The following PCDHGA12 variants were observed in gnomAD, a reference collection of about 807,000 sequenced individuals.
PCDHGA12 encodes protocadherin gamma subfamily A, 12.
In PCDHGA12, 43 loss-of-function variants were observed where a neutral mutation model predicts 61.1. That is an observed-to-expected ratio of 0.70 (90% CI 0.55 to 0.91). The LOEUF (loss-of-function observed/expected upper bound fraction) is 0.91, where lower values mean the gene tolerates loss of function less well. Among genes scored for constraint, PCDHGA12 ranks in the 40% least tolerant of loss-of-function variants. The pLI, the probability that PCDHGA12 is intolerant of heterozygous loss-of-function variation, is 0.00. For missense variants in PCDHGA12, 1,236 were observed against 1,227.7 expected (o/e 1.01, Z -0.10); for synonymous variants, 520 against 542.9 (o/e 0.96, Z 0.59).
chr5:141,499,408 G>C (rs1178843162), intron 2 of PCDHGA12, among the ~76,000 whole-genome samples: 1 of 151,896 alleles, frequency 6.6e-6, no homozygotes, highest in Non-Finnish European at 1.5e-5. Context: ...GCTCATTATA[G>C]AAACATGAAA....
Position 141,431,615 on chromosome 5 carries a change from G to A in PCDHGA12, c.856G>A (p.Asp286Asn). 1.2e-6 allele frequency: 2 copies of A among 1,614,236 alleles called. No homozygotes were observed. Among genetic ancestry groups the A allele is most frequent in the Non-Finnish European group, 1.7e-6 (2 of 1,180,042 alleles). ...GAGGTATTCCTTCCGGTATGTGGACGACAAGGCGGCCCAAGTTTTCAAACT... is the reference window on the plus strand; with the variant it reads ...GAGGTATTCCTTCCGGTATGTGGACAACAAGGCGGCCCAAGTTTTCAAACT... Reference protein sequence around the residue: ...EVRYSFRYVDDKAAQVFKLDC... With the variant: ...EVRYSFRYVDNKAAQVFKLDC... Residue 286 changes from aspartate (D) to asparagine (N), a missense_variant, in exon 1 of 4, where the codon GAC becomes AAC. By Grantham distance (23) the Asp-to-Asn change is conservative. Coordinates refer to ENST00000252085, the MANE Select transcript of PCDHGA12 (RefSeq NM_003735.3). The surrounding 1 kb of genome is among the most constrained non-coding windows in gnomAD (Gnocchi z 4.8).
chr5:141,433,122 G>C lies in PCDHGA12; in HGVS notation c.2363G>C (p.Ser788Thr), dbSNP rs1442464320. The C allele has an allele frequency of 6.2e-7, 1 of 1,614,134 alleles. No individual in the cohort carries two copies. Among genetic ancestry groups the C allele is most frequent in the Admixed American group, 1.7e-5 (1 of 60,018 alleles). The change falls in exon 1 of 4, where the codon AGC becomes ACC. Residue 788 changes from serine to threonine, a missense_variant. Ser to Thr is a moderately conservative substitution (Grantham distance 58, BLOSUM62 1). Coordinates refer to ENST00000252085, the MANE Select transcript of PCDHGA12 (RefSeq NM_003735.3). ...MLVSQESFEKSEPLLLSGDSV... is the reference protein window; with the variant it reads ...MLVSQESFEKTEPLLLSGDSV... ...GTCAGCCAGGAGAGCTTTGAAAAAA[G>C]CGAGCCCCTTTTGCTGTCAGGTGAT...
In PCDHGA12 at chr5:141,505,496, T is replaced by C; in HGVS notation, c.2572+15T>C. 6.2e-7 allele frequency: 1 copy of C among 1,614,148 alleles called. No homozygotes were observed. The highest frequency in any genetic ancestry group is 8.5e-7 in the Non-Finnish European group (1 of 1,180,004). ...GTCCGCCAGTGGTAAGTGGTGTCAGTGTGTGTATGGAAGAGTGGGAGACCT... is the reference window on the plus strand; with the variant it reads ...GTCCGCCAGTGGTAAGTGGTGTCAGCGTGTGTATGGAAGAGTGGGAGACCT... On this transcript the variant is annotated intron_variant, in intron 3 of 3. Transcript: ENST00000252085.
intron 1 of PCDHGA12, chr5:141,468,682 C>A (rs377685711): frequency 4.6e-5 from 7 of 151,296 alleles, no homozygotes; most frequent in African/African-American, 1.7e-4. Context: ...CTGGCTAACA[C>A]GGTGAAACCC....
At chr5:141,478,862 C>T (rs1057119202) in intron 1 of PCDHGA12, 23 of 1,325,916 alleles carry the variant, frequency 1.7e-5, no homozygotes, top group Non-Finnish European at 2.2e-5. Flanking sequence ...AAGATCTCAG[C>T]GATCAGAGTT....
At chr5:141,445,732 A>G (rs2098475548) in intron 1 of PCDHGA12, among the ~76,000 whole-genome samples, 1 of 152,230 alleles carries the variant, frequency 6.6e-6, no homozygotes, top group African/African-American at 2.4e-5. Context: ...ATGTGTAAAG[A>G]TCTTTTTAAA....
At chr5:141,482,561 T>C (rs1411268228) in intron 1 of PCDHGA12, among the ~76,000 whole-genome samples, 3 of 136,978 alleles carry the variant, frequency 2.2e-5, no homozygotes, top group African/African-American at 8.6e-5. Flanking sequence ...ATAATGGAGA[T>C]CTGCATAGCA....
At chr5:141,469,372 C>G (rs780872014) in intron 1 of PCDHGA12, among the ~76,000 whole-genome samples, 5 of 151,990 alleles carry the variant, frequency 3.3e-5, no homozygotes, top group Non-Finnish European at 5.9e-5. Flanking sequence ...GTAAAGAGAT[C>G]GAGACCATCC....
rs9324852 is a variant in PCDHGA12, at chr5:141,510,333, C to T, written c.2573-614C>T. On this transcript the variant is annotated intron_variant, in intron 3 of 3. Coordinates refer to ENST00000252085, the MANE Select transcript of PCDHGA12 (RefSeq NM_003735.3). ...AGGCTTGGAAGAGCACTCTTCACCC[C>T]CACCCCACACACTTACTAACGGAAC... Among the ~76,000 whole-genome samples the T allele has an allele frequency of 2.4e-3, 367 of 151,698 alleles. 1 individual carries two copies. Among genetic ancestry groups the T allele is most frequent in the African/African-American group, 8.4e-3 (348 of 41,384 alleles).
intron 1 of PCDHGA12, among the ~76,000 whole-genome samples, chr5:141,444,408 T>G (rs1591815532): frequency 6.6e-6 from 1 of 152,124 alleles, no homozygotes; most frequent in East Asian, 1.9e-4. Context: ...CAACCTCAGG[T>G]GATCTTCCCT....
chr5:141,504,824 C>T (rs537283013), intron 2 of PCDHGA12, among the ~76,000 whole-genome samples: 4 of 152,230 alleles, frequency 2.6e-5, no homozygotes, highest in South Asian at 4.1e-4. Context: ...TAGGTCCCCA[C>T]TTTTTCTCTA....
intron 2 of PCDHGA12, among the ~76,000 whole-genome samples, chr5:141,504,128 G>A (rs914138294): frequency 2.6e-5 from 4 of 151,992 alleles, no homozygotes; most frequent in African/African-American, 9.7e-5. Context: ...GCTGTTTCCC[G>A]CCAACACTCC....
chr5:141,494,680 C>G (rs552351026), intron 1 of PCDHGA12, 127 bp from the exon 2 acceptor site: 2 of 1,560,096 alleles, frequency 1.3e-6, no homozygotes, highest in East Asian at 4.6e-5. Context: ...CCACCCCTGC[C>G]CCCTCTTAGT....
chr5:141,505,589 C>T, intron 3 of PCDHGA12, 108 bp downstream of exon 3: 1 of 1,573,272 alleles, frequency 6.4e-7, no homozygotes, highest in Non-Finnish European at 8.6e-7. Context: ...GTAGTTTCTC[C>T]AGATCTTTCG....
chr5:141,436,277 T>G (rs2097806022), intron 1 of PCDHGA12, among the ~76,000 whole-genome samples: 1 of 152,194 alleles, frequency 6.6e-6, no homozygotes, highest in Non-Finnish European at 1.5e-5. Flanking sequence ...TAACTTGATT[T>G]AGGAACAAAT....
rs1219684339 is a variant in PCDHGA12, at chr5:141,506,444, CAA to C, written c.2572+983_2572+984del. Among the ~76,000 whole-genome samples the C allele has an allele frequency of 5.9e-3, 564 of 95,004 alleles. 2 individuals carry two copies. The highest frequency in any genetic ancestry group is 0.013 in the African/African-American group (317 of 25,186). 62.3% of individuals were successfully genotyped at this position (95,004 alleles called of 152,430 possible). Reference sequence around the variant, plus strand: ...CCTGGGCAACAGTCTCGCTCTGTCTCAAAAAAAAAAAAAAAAAAAAAGAGCAC... The same window carrying C: ...CCTGGGCAACAGTCTCGCTCTGTCTCAAAAAAAAAAAAAAAAAAAGAGCAC... On this transcript the variant is annotated intron_variant, in intron 3 of 3. Transcript: ENST00000252085.
chr5:141,508,627 C>T (rs566012494), intron 3 of PCDHGA12, among the ~76,000 whole-genome samples: 1 of 152,262 alleles, frequency 6.6e-6, no homozygotes, highest in South Asian at 2.1e-4. Flanking sequence ...GTGGGCCGAG[C>T]TTCTAGCTAC....
At chr5:141,482,530 CAAAAAAAAA>C (rs3074545) in intron 1 of PCDHGA12, among the ~76,000 whole-genome samples, 16 of 76,560 alleles carry the variant, frequency 2.1e-4, no homozygotes, top group African/African-American at 7.7e-4. Context: ...GACAGACATG[CAAAAAAAAA>C]AAAAAAAAAA....
At position 141,486,622 on chromosome 5, in the gene PCDHGA12, C is replaced by T. The variant is rs1320329216; in HGVS notation, c.2425-8185C>T. On this transcript the variant is annotated intron_variant, in intron 1 of 3. Coordinates refer to ENST00000252085, the MANE Select transcript of PCDHGA12 (RefSeq NM_003735.3). The surrounding 1 kb of genome is among the most constrained non-coding windows in gnomAD (Gnocchi z 5.0). ...GCTCCCTTGCAGCCTCTGACCCAGACTCTGGCTTGAATGCGCTTATCTCCT... is the reference window on the plus strand; with the variant it reads ...GCTCCCTTGCAGCCTCTGACCCAGATTCTGGCTTGAATGCGCTTATCTCCT... 6.2e-7 allele frequency: 1 copy of T among 1,613,574 alleles called. No individual in the cohort carries two copies. The highest frequency in any genetic ancestry group is 8.5e-7 in the Non-Finnish European group (1 of 1,180,042).
Sources: allele counts gnomAD v4.1 joint callset (sites outside exome capture counted in the v4.1 genomes callset), GRCh38; gene constraint gnomAD v4.1.1; non-coding constraint Gnocchi (gnomAD v3.1); transcripts MANE v1.5; gene names NCBI Gene and HGNC (gene_info 2026-07-23, HGNC 2026-07-21).